The following DSCAML1 variants were observed in gnomAD, a reference collection of about 807,000 sequenced individuals.
The protein encoded by DSCAML1 is DS cell adhesion molecule like 1, also known as cell adhesion molecule DSCAML1.
Under a neutral mutation model 200.5 loss-of-function variants are expected in DSCAML1, and 38 were observed. That is an observed-to-expected ratio of 0.19 (90% CI 0.15 to 0.25). The LOEUF is 0.25. Ranked by LOEUF, DSCAML1 falls within the 10% of genes least tolerant of loss-of-function variation. DSCAML1 has a pLI of 1.00. For missense variants in DSCAML1, 2,223 were observed against 2,858.8 expected, an observed-to-expected ratio of 0.78 and a Z score of 5.07; for synonymous variants, 1,215 against 1,165.0, an observed-to-expected ratio of 1.04 and a Z score of -0.87.
At chr11:117,650,256 G>A (rs2052602956) in intron 3 of DSCAML1, among the ~76,000 whole-genome samples, 1 of 152,174 alleles carries the variant, frequency 6.6e-6, no homozygotes, top group South Asian at 2.1e-4. Context: ...GCCAGGTTTG[G>A]CAGGACCTCA....
chr11:117,579,897 GT>G (rs1293546798), intron 3 of DSCAML1, among the ~76,000 whole-genome samples: 1 of 152,174 alleles, frequency 6.6e-6, no homozygotes, highest in Non-Finnish European at 1.5e-5. Flanking sequence ...CCATGTAAAG[GT>G]TTTGTGGAGT....
At chr11:117,523,452 G>A (rs1466392851) in intron 5 of DSCAML1, among the ~76,000 whole-genome samples, 1 of 152,214 alleles carries the variant, frequency 6.6e-6, no homozygotes, top group Non-Finnish European at 1.5e-5. Flanking sequence ...CCAGGCCCCT[G>A]AAGTAGGGCT....
intron 3 of DSCAML1, among the ~76,000 whole-genome samples, chr11:117,745,362 C>T (rs2054500876): frequency 6.6e-6 from 1 of 152,072 alleles, no homozygotes; most frequent in Non-Finnish European, 1.5e-5. Flanking sequence ...AAAACAAAAC[C>T]AGGGCAGGCT....
intron 1 of DSCAML1, among the ~76,000 whole-genome samples, chr11:117,803,914 T>C (rs913194731): frequency 1.3e-5 from 2 of 152,218 alleles, no homozygotes; most frequent in African/African-American, 4.8e-5. Flanking sequence ...TGCCAGTCCA[T>C]GCGCTGGAGG....
rs147627606 is a variant in DSCAML1, at chr11:117,427,968, A to G, written c.*360T>C. On this transcript the variant is annotated 3_prime_UTR_variant, in exon 33 of 33. Transcript: ENST00000651296. Reference sequence around the variant, plus strand: ...GGGAAGGTGAGGAGGAGGGAAAAAAATTGCTGAGTCTTTGTGCCTCTGTCT... The same window carrying G: ...GGGAAGGTGAGGAGGAGGGAAAAAAGTTGCTGAGTCTTTGTGCCTCTGTCT... 7 of 162,200 alleles carry G rather than the reference A, an allele frequency of 4.3e-5. No individual in the cohort carries two copies. The highest frequency in any genetic ancestry group is 3.5e-4 in the East Asian group (2 of 5,696). 10.0% of individuals were successfully genotyped at this position (162,200 alleles called of 1,614,324 possible).
rs116336445 is a variant in DSCAML1, at chr11:117,792,134, C to T, written c.46+4900G>A. ...GTTGAAGCTCTGCCCTCTGGCCCTCCCCCTCTCTACCTCTGTCCATCCCCT... is the reference window on the plus strand; with the variant it reads ...GTTGAAGCTCTGCCCTCTGGCCCTCTCCCTCTCTACCTCTGTCCATCCCCT... On this transcript the variant is annotated intron_variant, in intron 1 of 32. Coordinates refer to ENST00000651296, the MANE Select transcript of DSCAML1 (RefSeq NM_020693.4). 5.2e-3 allele frequency among the ~76,000 whole-genome samples: 793 copies of T among 152,292 alleles called. 8 individuals carry two copies. The highest frequency in any genetic ancestry group is 0.018 in the African/African-American group (752 of 41,550).
intron 3 of DSCAML1, among the ~76,000 whole-genome samples, chr11:117,739,588 A>T (rs1229565653): frequency 6.6e-6 from 1 of 152,258 alleles, no homozygotes; most frequent in Non-Finnish European, 1.5e-5. Flanking sequence ...CAGTGCCCTC[A>T]AACCGAAGTC....
At chr11:117,699,851 A>G (rs1175152135) in intron 3 of DSCAML1, among the ~76,000 whole-genome samples, 3 of 152,356 alleles carry the variant, frequency 2.0e-5, no homozygotes, top group South Asian at 2.1e-4. Context: ...CATGCTGGAC[A>G]TACACATACA....
At chr11:117,551,795 G>A (rs1037573765) in intron 3 of DSCAML1, among the ~76,000 whole-genome samples, 1 of 87,264 alleles carries the variant, frequency 1.1e-5, no homozygotes. Context: ...TGGCGGCTGT[G>A]GGGGGCATCT....
rs939479860 is a variant in DSCAML1 at position 117,501,454 on chromosome 11, C to T, written c.2359+2391G>A. Among the ~76,000 whole-genome samples the T allele has an allele frequency of 3.3e-5, 5 of 152,288 alleles. No individual in the cohort carries two copies. The South Asian group carries it at 1.0e-3, about 32-fold the overall frequency. ...CAAAGACAGTCAGCTCCTCCAACCC[C>T]AGACAGAGGCCCTGCCCCTGCCAGC... On this transcript the variant is annotated intron_variant, in intron 11 of 32. Coordinates refer to ENST00000651296, the MANE Select transcript of DSCAML1 (RefSeq NM_020693.4).
intron 3 of DSCAML1, among the ~76,000 whole-genome samples, chr11:117,654,005 G>T: frequency 6.6e-6 from 1 of 152,184 alleles, no homozygotes. Flanking sequence ...CAGCCTGGGT[G>T]AGAGAATGAG....
chr11:117,543,598 C>T (rs2050313714), intron 3 of DSCAML1, among the ~76,000 whole-genome samples: 1 of 152,076 alleles, frequency 6.6e-6, no homozygotes, highest in Admixed American at 6.6e-5. Context: ...ATACAGAGCT[C>T]TGTATTTGGA....
At chr11:117,484,446 C>T (rs1454885786) in intron 11 of DSCAML1, among the ~76,000 whole-genome samples, 1 of 152,202 alleles carries the variant, frequency 6.6e-6, no homozygotes, top group Non-Finnish European at 1.5e-5. Flanking sequence ...TTCCCCAGCC[C>T]CAGCTCATCA....
intron 1 of DSCAML1, among the ~76,000 whole-genome samples, chr11:117,789,331 C>G (rs1417336507): frequency 6.6e-6 from 1 of 152,168 alleles, no homozygotes; most frequent in Non-Finnish European, 1.5e-5. Context: ...AAGGAAGGTC[C>G]CTTATGGCCA....
At chr11:117,585,307 T>C (rs2051119004) in intron 3 of DSCAML1, among the ~76,000 whole-genome samples, 1 of 152,090 alleles carries the variant, frequency 6.6e-6, no homozygotes, top group South Asian at 2.1e-4. Flanking sequence ...TGGAGTGCAG[T>C]GGCATGATCT....
intron 3 of DSCAML1, among the ~76,000 whole-genome samples, chr11:117,597,648 G>T (rs945466219): frequency 1.3e-5 from 2 of 152,078 alleles, no homozygotes; most frequent in African/African-American, 4.8e-5. Flanking sequence ...TAGAGATGGG[G>T]TTTCATCATG....
At chr11:117,786,527 A>G (rs1036621274) in intron 1 of DSCAML1, among the ~76,000 whole-genome samples, 3 of 152,082 alleles carry the variant, frequency 2.0e-5, no homozygotes, top group Non-Finnish European at 4.4e-5. Flanking sequence ...CATCAGGATT[A>G]GTTTTGCAAA....
chr11:117,715,610 G>C (rs1176717759), intron 3 of DSCAML1, among the ~76,000 whole-genome samples: 1 of 152,190 alleles, frequency 6.6e-6, no homozygotes, highest in Non-Finnish European at 1.5e-5. Flanking sequence ...TGAATCCCCT[G>C]TGCCTGGCAC....
intron 3 of DSCAML1, among the ~76,000 whole-genome samples, chr11:117,609,114 G>T (rs570369927): frequency 6.6e-6 from 1 of 151,610 alleles, no homozygotes; most frequent in African/African-American, 2.4e-5. Flanking sequence ...CAGGACAATC[G>T]CTTGAACCTA....
Sources: gnomAD v4.1 joint callset for allele counts (sites outside exome capture counted in the v4.1 genomes callset) on GRCh38, gnomAD v4.1.1 for gene constraint, MANE v1.5 for transcripts, NCBI Gene and HGNC (gene_info 2026-07-23, HGNC 2026-07-21) for gene names.